The following PCP4 variants were observed in gnomAD, a reference collection of about 807,000 sequenced individuals.
The protein encoded by PCP4 is Purkinje cell protein 4.
A neutral mutation model predicts 10.0 loss-of-function variants in PCP4; 8 were observed. That is an observed-to-expected ratio of 0.80 (90% CI 0.47 to 1.45). The LOEUF is 1.45. PCP4 is among the 40% of genes most tolerant of loss of function. The pLI is 0.00. For missense variants in PCP4, 54 were observed against 74.4 expected, an observed-to-expected ratio of 0.73 and a Z score of 1.01; for synonymous variants, 21 against 23.0, an observed-to-expected ratio of 0.91 and a Z score of 0.24.
At chr21:39,924,600 C>T (rs1303589608) in intron 2 of PCP4, among the ~76,000 whole-genome samples, 1 of 152,098 alleles carries the variant, frequency 6.6e-6, no homozygotes, top group Admixed American at 6.6e-5. Context: ...TACAGTGGTG[C>T]AATCATAGCT....
chr21:39,882,837 G>A (rs1009848109), intron 1 of PCP4, among the ~76,000 whole-genome samples: 2 of 152,150 alleles, frequency 1.3e-5, no homozygotes, highest in African/African-American at 4.8e-5. Context: ...TCTTGGCATC[G>A]GGCTGGTCAG....
chr21:39,907,658 G>A (rs2299767), intron 2 of PCP4, among the ~76,000 whole-genome samples: 14,498 of 152,112 alleles, frequency 0.095, 1,043 homozygotes, highest in East Asian at 0.36. Context: ...TTATCTGGGC[G>A]TGGTGGCGGG....
At chr21:39,918,917 T>C (rs1396529180) in intron 2 of PCP4, among the ~76,000 whole-genome samples, 2 of 152,180 alleles carry the variant, frequency 1.3e-5, no homozygotes, top group Non-Finnish European at 2.9e-5. Flanking sequence ...GCTTATTGTC[T>C]TTTTTTAAAT....
At chr21:39,902,051 A>G (rs988048626) in intron 2 of PCP4, among the ~76,000 whole-genome samples, 5 of 152,226 alleles carry the variant, frequency 3.3e-5, no homozygotes, top group Non-Finnish European at 7.3e-5. Flanking sequence ...ATTCCATTGA[A>G]ATTCAAATGA....
chr21:39,876,786 C>A (rs2087348322), intron 1 of PCP4, among the ~76,000 whole-genome samples: 1 of 152,206 alleles, frequency 6.6e-6, no homozygotes, highest in Admixed American at 6.5e-5. Context: ...CTTACAACCC[C>A]AGAGGTGCCG....
intron 1 of PCP4, among the ~76,000 whole-genome samples, chr21:39,870,550 G>A (rs1361493458): frequency 6.6e-6 from 1 of 152,138 alleles, no homozygotes; most frequent in Non-Finnish European, 1.5e-5. Context: ...CCACTTCATA[G>A]AGCTTTTGAA....
chr21:39,869,009 C>G (rs748929287), intron 1 of PCP4, among the ~76,000 whole-genome samples: 3 of 152,166 alleles, frequency 2.0e-5, no homozygotes, highest in South Asian at 2.1e-4. Flanking sequence ...CTGCTGGACT[C>G]TACAGATATT....
At position 39,891,259 on chromosome 21, in the gene PCP4, C is replaced by T. The variant is rs375644002; in HGVS notation, c.10-7217C>T. ...TCACTAGGCCCTCTCTGAGGACCCCCGTGGGTGGCTGCCTCAGCGTGGGCT... is the reference window on the plus strand; with the variant it reads ...TCACTAGGCCCTCTCTGAGGACCCCTGTGGGTGGCTGCCTCAGCGTGGGCT... On this transcript the variant is annotated intron_variant, in intron 1 of 2. Coordinates refer to ENST00000328619, the MANE Select transcript of PCP4 (RefSeq NM_006198.3). Among the ~76,000 whole-genome samples, 115 of 152,350 alleles carry T rather than the reference C, an allele frequency of 7.5e-4. 1 individual carries two copies. The highest frequency in any genetic ancestry group is 2.5e-3 in the African/African-American group (104 of 41,576).
At chr21:39,912,905 T>C (rs990374317) in intron 2 of PCP4, among the ~76,000 whole-genome samples, 8 of 152,154 alleles carry the variant, frequency 5.3e-5, no homozygotes, top group African/African-American at 1.9e-4. Flanking sequence ...GAGGTCTAAC[T>C]ATGTTGCGCA....
chr21:39,870,693 C>G (rs1047696787), intron 1 of PCP4, among the ~76,000 whole-genome samples: 10 of 152,178 alleles, frequency 6.6e-5, no homozygotes, highest in African/African-American at 2.2e-4. Context: ...AACATCTGAG[C>G]GTGAATTTAA....
At chr21:39,899,854 A>G (rs1299004551) in intron 2 of PCP4, among the ~76,000 whole-genome samples, 1 of 152,098 alleles carries the variant, frequency 6.6e-6, no homozygotes, top group Non-Finnish European at 1.5e-5. Flanking sequence ...GTAGTTGCCT[A>G]TATGAGGAAG....
At chr21:39,921,932 C>T (rs951087511) in intron 2 of PCP4, among the ~76,000 whole-genome samples, 1 of 152,212 alleles carries the variant, frequency 6.6e-6, no homozygotes, top group Non-Finnish European at 1.5e-5. Context: ...CAGCACCAAA[C>T]TCTGTTGTAT....
chr21:39,918,045 G>A (rs926948427), intron 2 of PCP4, among the ~76,000 whole-genome samples: 3 of 152,130 alleles, frequency 2.0e-5, no homozygotes, highest in East Asian at 1.9e-4. Flanking sequence ...CTGCCAACAC[G>A]TTAATCTTGG....
chr21:39,875,152 C>T (rs1241016098), intron 1 of PCP4, among the ~76,000 whole-genome samples: 2 of 151,998 alleles, frequency 1.3e-5, no homozygotes, highest in Non-Finnish European at 2.9e-5. Flanking sequence ...ATAATAGCCA[C>T]TGTTTCGTTA....
intron 2 of PCP4, among the ~76,000 whole-genome samples, chr21:39,918,667 C>T (rs1291394254): frequency 2.6e-5 from 4 of 152,198 alleles, no homozygotes; most frequent in African/African-American, 9.7e-5. Context: ...CTGCTAATGC[C>T]TGAACTTGCT....
intron 2 of PCP4, 141 bp from the exon 3 acceptor site, chr21:39,928,843 T>G: frequency 2.6e-5 from 18 of 698,480 alleles, no homozygotes; most frequent in Non-Finnish European, 4.1e-5. Context: ...ACTTTGCAGA[T>G]GAGCTCTTGT....
chr21:39,896,275 A>T (rs2087456689), intron 1 of PCP4, among the ~76,000 whole-genome samples: 1 of 152,140 alleles, frequency 6.6e-6, no homozygotes, highest in Admixed American at 6.5e-5. Context: ...ACTCTAAAAC[A>T]CTGTTCTTTT....
chr21:39,919,439 T>G (rs1221006545), intron 2 of PCP4, among the ~76,000 whole-genome samples: 1 of 152,230 alleles, frequency 6.6e-6, no homozygotes, highest in Admixed American at 6.5e-5. Flanking sequence ...TTGCTAAAAT[T>G]TAGGTCCTTT....
intron 1 of PCP4, among the ~76,000 whole-genome samples, chr21:39,884,812 G>C (rs2087392248): frequency 6.6e-6 from 1 of 151,590 alleles, no homozygotes; most frequent in Admixed American, 6.6e-5. Flanking sequence ...GAGAGAGAGA[G>C]AGAGAGAGAG....
Sources: gnomAD v4.1 joint callset for allele counts (sites outside exome capture counted in the v4.1 genomes callset) on GRCh38, gnomAD v4.1.1 for gene constraint, MANE v1.5 for transcripts, NCBI Gene and HGNC (gene_info 2026-07-23, HGNC 2026-07-21) for gene names.